The following ZNF226 variants were observed in gnomAD, a reference collection of about 807,000 sequenced individuals.
ZNF226 encodes zinc finger protein 226.
A neutral mutation model predicts 11.4 loss-of-function variants in ZNF226; 6 were observed. That is an observed-to-expected ratio of 0.53 (90% CI 0.29 to 1.04). The LOEUF is 1.04. Among genes scored for constraint, ZNF226 ranks in the 50% least tolerant of loss-of-function variants. The pLI is 0.08. For missense variants in ZNF226, 1,058 were observed against 956.5 expected (o/e 1.11, Z -1.40); for synonymous variants, 350 against 322.8 (o/e 1.08, Z -0.90).
At chr19:44,167,041 T>G (rs1162950667) in intron 2 of ZNF226, among the ~76,000 whole-genome samples, 3 of 152,164 alleles carry the variant, frequency 2.0e-5, no homozygotes, top group African/African-American at 7.2e-5. Flanking sequence ...CACTAAATAT[T>G]AACTGTCAAG....
chr19:44,176,548 T>C lies in ZNF226; in HGVS notation c.1286T>C (p.Ile429Thr). 1 of 1,612,616 alleles carries C rather than the reference T, an allele frequency of 6.2e-7. No homozygotes were observed. The highest frequency in any genetic ancestry group is 8.5e-7 in the Non-Finnish European group (1 of 1,179,464). ...YKCEECGKGF[I>T]CSSNLYIHQR... ...TGTGAGGAGTGTGGTAAGGGCTTCATTTGTAGCTCAAATCTTTACATTCAT... is the reference window on the plus strand; with the variant it reads ...TGTGAGGAGTGTGGTAAGGGCTTCACTTGTAGCTCAAATCTTTACATTCAT... Residue 429 changes from isoleucine (I) to threonine (T), a missense_variant, in exon 6 of 6, where the codon ATT (isoleucine) becomes ACT (threonine). Physicochemically the swap from Ile to Thr is moderately conservative, Grantham distance 89. Coordinates refer to ENST00000337433, the MANE Select transcript of ZNF226 (RefSeq NM_001032373.2).
downstream of ZNF226, among the ~76,000 whole-genome samples, chr19:44,179,118 T>C (rs995038812): frequency 6.6e-6 from 1 of 152,110 alleles, no homozygotes; most frequent in African/African-American, 2.4e-5. Flanking sequence ...AGGCGGAAGT[T>C]GCAGTGAGTC....
chr19:44,177,746 C>T, downstream of ZNF226: 1 of 1,456,522 alleles, frequency 6.9e-7, no homozygotes, highest in South Asian at 1.4e-5. Flanking sequence ...TCAGCCGTAG[C>T]TCCTCATGTC....
At chr19:44,177,712 T>C, downstream of ZNF226, 1 of 1,529,238 alleles carries the variant, frequency 6.5e-7, no homozygotes, top group Non-Finnish European at 8.8e-7. Context: ...ATTCTTCCAG[T>C]TATCAAGTCT....
At chr19:44,194,434 T>C in the ZNF226 span, among the ~76,000 whole-genome samples, 151,317 of 151,996 alleles carry the variant, frequency 1, 75,323 homozygotes, top group East Asian at 1. Flanking sequence ...CATCACCACA[T>C]CTGGCTAATT....
the ZNF226 span, among the ~76,000 whole-genome samples, chr19:44,195,361 T>G: frequency 6.6e-6 from 1 of 152,194 alleles, no homozygotes; most frequent in African/African-American, 2.4e-5. Context: ...CTCACTAGAT[T>G]CCAGGGGATG....
rs769010372 is a variant in ZNF226 at position 44,172,144 on chromosome 19, G to A, written c.72G>A (p.Leu24=). The A allele has an allele frequency of 7.4e-6, 12 of 1,613,206 alleles. No individual in the cohort carries two copies. Among genetic ancestry groups the A allele is most frequent in the Non-Finnish European group, 1.0e-5 (12 of 1,179,408 alleles). ...CCTTCACGGAGGAGGAATTGGGGCTGCTGGGCCCTGCCCAGAGGAAGCTGT... is the reference window on the plus strand; with the variant it reads ...CCTTCACGGAGGAGGAATTGGGGCTACTGGGCCCTGCCCAGAGGAAGCTGT... ...AVAFTEEELG[L]LGPAQRKLYR... is the part of the protein sequence containing the mutation. The change falls in exon 4 of 6, where the codon CTG becomes CTA. Residue 24 remains leucine, a synonymous_variant. Transcript: ENST00000337433.
At chr19:44,171,685 G>A (rs893516189) in intron 3 of ZNF226, among the ~76,000 whole-genome samples, 4 of 152,190 alleles carry the variant, frequency 2.6e-5, no homozygotes, top group Non-Finnish European at 2.9e-5. Flanking sequence ...GACAGAGAGA[G>A]TCCTTCATTC....
the ZNF226 span, among the ~76,000 whole-genome samples, chr19:44,190,204 T>G: frequency 3.9e-5 from 6 of 152,210 alleles, no homozygotes; most frequent in African/African-American, 1.4e-4. Flanking sequence ...TTTAGTTTTA[T>G]TATTATTTTA....
intron 3 of ZNF226, among the ~76,000 whole-genome samples, chr19:44,170,689 G>A (rs1373105373): frequency 1.3e-5 from 2 of 152,124 alleles, no homozygotes; most frequent in East Asian, 1.9e-4. Context: ...AGCAGAGATC[G>A]TACCACTGCA....
the ZNF226 span, among the ~76,000 whole-genome samples, chr19:44,189,497 T>G: frequency 2.0e-5 from 3 of 152,272 alleles, no homozygotes; most frequent in East Asian, 5.8e-4. Flanking sequence ...ATAGAAAAAT[T>G]TTGTCATCTG....
At chr19:44,172,247 G>A in intron 4 of ZNF226, 33 bp downstream of exon 4, 4 of 1,595,926 alleles carry the variant, frequency 2.5e-6, no homozygotes, top group Non-Finnish European at 3.4e-6. Flanking sequence ...ATATCTTTGT[G>A]CCCTTGGAGT....
chr19:44,188,507 T>C, the ZNF226 span, among the ~76,000 whole-genome samples: 68 of 152,348 alleles, frequency 4.5e-4, 1 homozygote, highest in African/African-American at 1.6e-3. Context: ...TTAGGAATTA[T>C]AAATAGCCCA....
chr19:44,181,702 G>A (rs1049885698), downstream of ZNF226, among the ~76,000 whole-genome samples: 5 of 152,164 alleles, frequency 3.3e-5, no homozygotes, highest in Non-Finnish European at 7.4e-5. Context: ...GCTCAATCTA[G>A]CTGAGCATCT....
Position 44,177,165 on chromosome 19 carries a change from A to G in ZNF226, c.1903A>G (p.Arg635Gly). 1 of 1,613,320 alleles carries G rather than the reference A, an allele frequency of 6.2e-7. No individual in the cohort carries two copies. Among genetic ancestry groups the G allele is most frequent in the Non-Finnish European group, 8.5e-7 (1 of 1,179,762 alleles). ...GGCCTCAAATCTTTTGGCCCATCAG[A>G]GAGTCCACAGTGGAGAAAAACCATT... is the stretch of plus-strand genomic sequence containing the variant. Reference protein sequence around the residue: ...RQASNLLAHQRVHSGEKPFKC... With the variant: ...RQASNLLAHQGVHSGEKPFKC... Residue 635 changes from arginine (R) to glycine (G), a missense_variant, in exon 6 of 6, where the codon AGA becomes GGA. Transcript: ENST00000337433.
In ZNF226 at chr19:44,175,992, A is replaced by G. The variant is rs761983702; in HGVS notation, c.730A>G (p.Met244Val). 3.7e-6 allele frequency: 6 copies of G among 1,613,970 alleles called. No homozygotes were observed. The highest frequency in any genetic ancestry group is 1.3e-5 in the African/African-American group (1 of 75,064). Residue 244 changes from methionine (M) to valine (V), a missense_variant, in exon 6 of 6, where the codon ATG (methionine) becomes GTG (valine). Coordinates refer to ENST00000337433, the MANE Select transcript of ZNF226 (RefSeq NM_001032373.2). ...MKILTFDHNS[M>V]IHTGQKSYQC... The stretch of plus-strand genomic sequence containing the variant: ...GATTTTGACATTTGATCACAATAGC[A>G]TGATTCACACAGGACAGAAATCGTA...
chr19:44,178,808 T>A (rs1970859984), downstream of ZNF226, among the ~76,000 whole-genome samples: 1 of 152,134 alleles, frequency 6.6e-6, no homozygotes. Context: ...TAGAAATAAT[T>A]TTTTATATAC....
chr19:44,173,148 T>C, intron 5 of ZNF226, 196 bp downstream of exon 5: 1 of 596,368 alleles, frequency 1.7e-6, no homozygotes, highest in Non-Finnish European at 3.0e-6. Flanking sequence ...GAGTTTTTGT[T>C]ACCTTGTGTC....
At chr19:44,167,556 G>T (rs1222529788) in intron 2 of ZNF226, among the ~76,000 whole-genome samples, 2 of 151,992 alleles carry the variant, frequency 1.3e-5, no homozygotes, top group Non-Finnish European at 2.9e-5. Context: ...CTGACCTCAG[G>T]TGATCCACCC....
Sources: gnomAD v4.1 joint callset for allele counts (sites outside exome capture counted in the v4.1 genomes callset) on GRCh38, gnomAD v4.1.1 for gene constraint, MANE v1.5 for transcripts, NCBI Gene and HGNC (gene_info 2026-07-23, HGNC 2026-07-21) for gene names.